NTM: variants seen among roughly 807,000 people sequenced by gnomAD.
The protein encoded by NTM is IgLON family member 2.
In NTM, 13 loss-of-function variants were observed where a neutral mutation model predicts 42.1. The ratio of observed to expected loss-of-function variants is 0.31; its 90% confidence interval spans 0.20 to 0.49. NTM has a LOEUF of 0.49. NTM is among the 20% of genes least tolerant of loss of function. NTM has a pLI of 0.99. For missense variants in NTM, 373 were observed against 452.8 expected (o/e 0.82, Z 1.60); for synonymous variants, 187 against 179.2 (o/e 1.04, Z -0.35).
At chr11:132,046,747 A>T (rs1330210283) in intron 2 of NTM, among the ~76,000 whole-genome samples, 1 of 152,174 alleles carries the variant, frequency 6.6e-6, no homozygotes. Flanking sequence ...AGAGAAAGGC[A>T]AGGGGTCTTT....
intron 1 of NTM, chr11:131,502,695 C>G (rs979975874): frequency 2.6e-5 from 4 of 152,234 alleles, no homozygotes; most frequent in Admixed American, 2.6e-4. Flanking sequence ...TTGTTGAAGT[C>G]ATCGTCTGTA....
chr11:132,074,900 A>G (rs900157850), intron 2 of NTM, among the ~76,000 whole-genome samples: 3 of 152,214 alleles, frequency 2.0e-5, no homozygotes, highest in African/African-American at 2.4e-5. Context: ...TGATAGATAT[A>G]TGAATTACCC....
chr11:132,325,111 C>T (rs1280414866), intron 7 of NTM, among the ~76,000 whole-genome samples: 5 of 152,074 alleles, frequency 3.3e-5, no homozygotes, highest in African/African-American at 1.2e-4. Context: ...TAGGCGTGGG[C>T]AAGGACTTCA....
intron 1 of NTM, among the ~76,000 whole-genome samples, chr11:131,662,710 G>A (rs1318951670): frequency 6.6e-6 from 1 of 152,114 alleles, no homozygotes. Context: ...TCGCTTCTTG[G>A]TCTTGAGGTC....
chr11:131,624,606 C>T (rs2062922537), intron 1 of NTM, among the ~76,000 whole-genome samples: 2 of 152,132 alleles, frequency 1.3e-5, no homozygotes, highest in Non-Finnish European at 2.9e-5. Context: ...CAGTAGGACT[C>T]ATGGCCACTC....
intron 1 of NTM, among the ~76,000 whole-genome samples, chr11:131,832,351 T>G (rs1022120171): frequency 1.3e-5 from 2 of 151,994 alleles, no homozygotes; most frequent in African/African-American, 4.8e-5. Context: ...GGCAAAGCAA[T>G]CATTACAAAG....
rs80034296 is a variant in NTM, at chr11:131,577,415, A to T, written c.82+206527A>T. On this transcript the variant is annotated intron_variant, in intron 1 of 8. Transcript: ENST00000683400. ...TCTGTGAGGCACAGAGCAAATGTGG[A>T]TAATGGTGTCTTGATTTTATTAACA... 4.3e-3 allele frequency among the ~76,000 whole-genome samples: 654 copies of T among 152,312 alleles called. 8 individuals are homozygous for T. The highest frequency in any genetic ancestry group is 0.014 in the African/African-American group (598 of 41,556).
At chr11:132,148,463 G>A (rs1482574194) in intron 3 of NTM, among the ~76,000 whole-genome samples, 1 of 151,930 alleles carries the variant, frequency 6.6e-6, no homozygotes, top group Non-Finnish European at 1.5e-5. Context: ...CCCAACCCCT[G>A]CACACTTAGT....
In NTM at chr11:131,722,511, C is replaced by G. The variant is rs373341600; in HGVS notation, c.83-189053C>G. On this transcript the variant is annotated intron_variant, in intron 1 of 8. Coordinates refer to ENST00000683400, the MANE Select transcript of NTM (RefSeq NM_001352005.2). ...TTCAGAAACATGCAGAACTCAAGAT[C>G]TTTGCTAATCTCTACGGAGGGTGAA... Among the ~76,000 whole-genome samples the G allele has an allele frequency of 2.6e-4, 40 of 152,338 alleles. No individual in the cohort carries two copies. In the South Asian group the frequency reaches 7.7e-3, roughly 29 times the overall value.
chr11:131,718,749 T>A (rs1418151201), intron 1 of NTM, among the ~76,000 whole-genome samples: 1 of 152,130 alleles, frequency 6.6e-6, no homozygotes, highest in Admixed American at 6.5e-5. Flanking sequence ...ATGTTCTTGA[T>A]CTTCCAGGGC....
At position 131,570,321 on chromosome 11, in the gene NTM, A is replaced by G. The variant is rs60244597; in HGVS notation, c.82+199433A>G. ...AAAGCTCTAACTGTCCTCTAGTAAT[A>G]CTCCTCGGCCGCGTTCCAGGAACAT... On this transcript the variant is annotated intron_variant, in intron 1 of 8. Transcript: ENST00000683400. 2.2e-3 allele frequency among the ~76,000 whole-genome samples: 338 copies of G among 151,694 alleles called. 3 individuals are homozygous for G. The highest frequency in any genetic ancestry group is 7.7e-3 in the African/African-American group (317 of 41,348).
rs146282138 is a variant in NTM, at chr11:132,147,512, G to A, written c.400+998G>A. ...ACATAGAAAACACGTAGAAGAGGGC[G>A]TGGCACATACAAGTGCTATTTCAGT... On this transcript the variant is annotated intron_variant, in intron 3 of 8. Transcript: ENST00000683400. Among the ~76,000 whole-genome samples, 21 of 152,242 alleles carry A rather than the reference G, an allele frequency of 1.4e-4. No individual in the cohort carries two copies. In the East Asian group the frequency reaches 2.9e-3, roughly 21 times the overall value.
intron 1 of NTM, among the ~76,000 whole-genome samples, chr11:131,516,379 T>A (rs1488614848): frequency 6.6e-6 from 1 of 152,118 alleles, no homozygotes; most frequent in Non-Finnish European, 1.5e-5. Flanking sequence ...CTGACCCTTT[T>A]CTTTTTATTT....
intron 1 of NTM, among the ~76,000 whole-genome samples, chr11:131,551,101 G>T (rs1565629448): frequency 6.6e-6 from 1 of 152,150 alleles, no homozygotes. Flanking sequence ...GAGCTCCTAG[G>T]CTCAAGCAAT....
chr11:132,335,164 C>T lies in NTM; in HGVS notation c.*18C>T. The T allele has an allele frequency of 6.2e-7, 1 of 1,611,108 alleles. No individual in the cohort carries two copies. Among genetic ancestry groups the T allele is most frequent in the South Asian group, 1.1e-5 (1 of 91,014 alleles). ...AATTTTGATGTGAGTGCCACTTCCC[C>T]ACCCGGGAAAGGCTGCCGCCACCAC... is the stretch of plus-strand genomic sequence containing the variant. On this transcript the variant is annotated 3_prime_UTR_variant, in exon 9 of 9. Transcript: ENST00000683400.
chr11:131,763,933 G>A (rs1565517557), intron 1 of NTM, among the ~76,000 whole-genome samples: 1 of 151,474 alleles, frequency 6.6e-6, no homozygotes, highest in East Asian at 1.9e-4. Flanking sequence ...TTTCCATTGA[G>A]GAGCAATAAT....
intron 1 of NTM, among the ~76,000 whole-genome samples, chr11:131,572,027 G>A (rs1275554158): frequency 6.6e-6 from 1 of 152,182 alleles, no homozygotes; most frequent in Non-Finnish European, 1.5e-5. Context: ...AAAGAAATTT[G>A]ACCCATGCTC....
chr11:131,844,107 C>T (rs972772845), intron 1 of NTM, among the ~76,000 whole-genome samples: 2 of 151,904 alleles, frequency 1.3e-5, no homozygotes, highest in Admixed American at 6.6e-5. Flanking sequence ...AATTTCCTAC[C>T]CGAAAAACAT....
intron 2 of NTM, among the ~76,000 whole-genome samples, chr11:132,066,800 C>T (rs1209457096): frequency 6.6e-6 from 1 of 151,994 alleles, no homozygotes; most frequent in African/African-American, 2.4e-5. Context: ...CATTTAGGAC[C>T]CACTCAGATA....
Sources: allele counts gnomAD v4.1 joint callset (sites outside exome capture counted in the v4.1 genomes callset), GRCh38; gene constraint gnomAD v4.1.1; transcripts MANE v1.5; gene names NCBI Gene and HGNC (gene_info 2026-07-23, HGNC 2026-07-21).